Variants in ZC3H4 observed in about 807,000 individuals in gnomAD.
ZC3H4 encodes the protein zinc finger CCCH domain-containing protein 4.
In ZC3H4, 13 loss-of-function variants were observed where a neutral mutation model predicts 108.3. The observed-to-expected ratio is 0.12, with a 90% CI of 0.08 to 0.19. The LOEUF is 0.19. Ranked by LOEUF, ZC3H4 falls within the 10% of genes least tolerant of loss-of-function variation. The pLI is 1.00. For missense variants in ZC3H4, 1,734 were observed against 1,838.8 expected, an observed-to-expected ratio of 0.94 and a Z score of 1.04; for synonymous variants, 917 against 749.6, an observed-to-expected ratio of 1.22 and a Z score of -3.65.
Position 47,094,805 on chromosome 19 carries a change from A to C in ZC3H4, c.162-197T>G, listed in dbSNP as rs373707801. On this transcript the variant is annotated intron_variant, in intron 2 of 14. Coordinates refer to ENST00000253048, the MANE Select transcript of ZC3H4 (RefSeq NM_015168.2). ...GAAAGAACTGTGCTTGCTCCAGTCTAACCTGGCTGGGGGAGGGGTAGGAGT... is the reference window on the plus strand; with the variant it reads ...GAAAGAACTGTGCTTGCTCCAGTCTCACCTGGCTGGGGGAGGGGTAGGAGT... Among the ~76,000 whole-genome samples the C allele has an allele frequency of 3.3e-5, 5 of 152,306 alleles. 1 individual carries two copies. The highest frequency in any genetic ancestry group is 1.2e-4 in the African/African-American group (5 of 41,572).
chr19:47,097,673 T>C (rs2057843992), intron 2 of ZC3H4, among the ~76,000 whole-genome samples: 1 of 152,154 alleles, frequency 6.6e-6, no homozygotes, highest in South Asian at 2.1e-4. Context: ...CTTAACAGAC[T>C]GCCGGCAAAA....
intron 5 of ZC3H4, among the ~76,000 whole-genome samples, 190 bp from the exon 6 acceptor site, chr19:47,086,728 G>C (rs1257335666): frequency 6.6e-6 from 1 of 152,060 alleles, no homozygotes; most frequent in Non-Finnish European, 1.5e-5. Flanking sequence ...TCTCTCAATG[G>C]GGGTCCCTCA....
intron 5 of ZC3H4, among the ~76,000 whole-genome samples, chr19:47,087,632 A>G (rs773154970): frequency 3.5e-4 from 53 of 152,254 alleles, no homozygotes; most frequent in Non-Finnish European, 2.4e-4. Context: ...TAATCCCAGC[A>G]CTTTGGGAGG....
In ZC3H4 at chr19:47,072,987, A is replaced by C. The variant is rs1042822162; in HGVS notation, c.1441-274T>G. Among the ~76,000 whole-genome samples the C allele has an allele frequency of 6.6e-6, 1 of 152,180 alleles. No homozygotes were observed. The highest frequency in any genetic ancestry group is 2.4e-5 in the African/African-American group (1 of 41,444). On this transcript the variant is annotated intron_variant, in intron 11 of 14. Transcript: ENST00000253048. The surrounding 1 kb of genome is among the most constrained non-coding windows in gnomAD (Gnocchi z 5.6). ...ACTGTTTAACCATTTAAAGTGAACG[A>C]TTCAGCTGGGCGCAGGGACTCACAT...
chr19:47,078,206 G>C (rs142760447), intron 11 of ZC3H4, among the ~76,000 whole-genome samples: 2 of 151,920 alleles, frequency 1.3e-5, no homozygotes, highest in Admixed American at 6.6e-5. Context: ...TATGTTTGGC[G>C]ATAAATGAGA....
At chr19:47,112,177 CAG>C (rs1311096617) in intron 2 of ZC3H4, 1 of 1,181,384 alleles carries the variant, frequency 8.5e-7, no homozygotes, top group African/African-American at 1.6e-5. Context: ...CCAAAAAAGA[CAG>C]AGCGAGAGCG....
Position 47,066,458 on chromosome 19 carries a change from T to G in ZC3H4, c.3810A>C (p.Pro1270=). Residue 1270 remains proline, a synonymous_variant, in exon 15 of 15, where the codon CCA becomes CCC. Coordinates refer to ENST00000253048, the MANE Select transcript of ZC3H4 (RefSeq NM_015168.2). ...CGCGGGCCGGACTGTTCCCAGCAAA[T>G]GGGCTTCCTGAGCCCGTCTTGGGTG... The part of the protein sequence containing the change: ...KQTPKTGSGS[P]FAGNSPAREG... 1 of 1,579,656 alleles carries G rather than the reference T, an allele frequency of 6.3e-7. No homozygotes were observed.
At chr19:47,074,541 C>A (rs1285146681) in intron 11 of ZC3H4, among the ~76,000 whole-genome samples, 1 of 152,202 alleles carries the variant, frequency 6.6e-6, no homozygotes. Context: ...AAGGCTAGGC[C>A]TCGGCTGGTG....
chr19:47,099,324 A>G (rs2123044481), intron 2 of ZC3H4, among the ~76,000 whole-genome samples: 2 of 151,990 alleles, frequency 1.3e-5, no homozygotes, highest in South Asian at 2.1e-4. Flanking sequence ...TCGGGCTTGG[A>G]AGAACACGCC....
At chr19:47,074,280 T>C (rs758611670) in intron 11 of ZC3H4, among the ~76,000 whole-genome samples, 3 of 152,212 alleles carry the variant, frequency 2.0e-5, no homozygotes, top group African/African-American at 4.8e-5. Flanking sequence ...ACACTGCCTA[T>C]GCCTTGTCGG....
In ZC3H4 at chr19:47,066,857, G is replaced by A. The variant is rs8100925; in HGVS notation, c.3411C>T (p.Gly1137=). Residue 1137 remains glycine, a synonymous_variant, in exon 15 of 15, where the codon GGC becomes GGT. Transcript: ENST00000253048. ...TACCGCTCAGCACACTGCTCTGCCC[G>A]CCCCCTCCGCCCTGGCCCAGTCCAC... ...AAGGLGQGGG[G]GQSSVLSGIS... 9.4e-5 allele frequency: 151 copies of A among 1,598,330 alleles called. No homozygotes were observed. Among genetic ancestry groups the A allele is most frequent in the East Asian group, 1.3e-4 (6 of 44,800 alleles).
At chr19:47,099,198 G>A (rs539872782) in intron 2 of ZC3H4, among the ~76,000 whole-genome samples, 32 of 152,060 alleles carry the variant, frequency 2.1e-4, no homozygotes, top group African/African-American at 6.8e-4. Flanking sequence ...GGTGGCTCAC[G>A]TCTGTAATCC....
At chr19:47,094,331 G>A (rs971810601) in intron 3 of ZC3H4, 58 bp downstream of exon 3, 20 of 1,591,952 alleles carry the variant, frequency 1.3e-5, no homozygotes, top group Non-Finnish European at 1.6e-5. Context: ...TCAGCCCCTG[G>A]GGCTCTCAGC....
chr19:47,079,835 C>T (rs1298431664), intron 11 of ZC3H4, among the ~76,000 whole-genome samples: 4 of 152,052 alleles, frequency 2.6e-5, no homozygotes, highest in African/African-American at 9.7e-5. Flanking sequence ...TGCAGGGAGC[C>T]GAGATTGTGC....
Position 47,067,785 on chromosome 19 carries a change from G to T in ZC3H4, c.2483C>A (p.Thr828Lys), listed in dbSNP as rs896149481. Residue 828 changes from threonine to lysine, a missense_variant, in exon 15 of 15, where the codon ACG (threonine) becomes AAG (lysine). Physicochemically the swap from Thr to Lys is moderately conservative, Grantham distance 78. This residue lies in a region of ZC3H4 where 540 missense variants were observed against 484.1 expected (regional missense o/e 1.12). Transcript: ENST00000253048. The surrounding 1 kb of genome is among the most constrained non-coding windows in gnomAD (Gnocchi z 6.4). Reference protein sequence around the residue: ...TSILKTLRQQTSSRPPASVGE... With the variant: ...TSILKTLRQQKSSRPPASVGE... ...AACTGAAGCCGGGGGTCGGCTGGACGTCTGCTGCCTCAAGGTCTTCAGGAT... is the reference window on the plus strand; with the variant it reads ...AACTGAAGCCGGGGGTCGGCTGGACTTCTGCTGCCTCAAGGTCTTCAGGAT... The T allele has an allele frequency of 1.2e-6, 2 of 1,609,268 alleles. No individual in the cohort carries two copies. Among genetic ancestry groups the T allele is most frequent in the African/African-American group, 2.7e-5 (2 of 74,844 alleles).
chr19:47,101,412 G>T (rs867055717), intron 2 of ZC3H4, among the ~76,000 whole-genome samples: 16 of 151,918 alleles, frequency 1.1e-4, no homozygotes, highest in African/African-American at 3.6e-4. Flanking sequence ...TAAAGACAGG[G>T]TCTCTCTATG....
intron 11 of ZC3H4, among the ~76,000 whole-genome samples, chr19:47,080,780 G>A (rs2057507583): frequency 6.6e-6 from 1 of 151,812 alleles, no homozygotes; most frequent in Admixed American, 6.6e-5. Flanking sequence ...CTACACGCAT[G>A]TGCCACCACA....
At chr19:47,094,819 A>C (rs1438201755) in intron 2 of ZC3H4, among the ~76,000 whole-genome samples, 1 of 152,014 alleles carries the variant, frequency 6.6e-6, no homozygotes, top group Admixed American at 6.6e-5. Context: ...TGGCTGGGGG[A>C]GGGGTAGGAG....
chr19:47,075,570 C>A (rs1409489326), intron 11 of ZC3H4, among the ~76,000 whole-genome samples: 1 of 151,996 alleles, frequency 6.6e-6, no homozygotes, highest in Non-Finnish European at 1.5e-5. Context: ...CCTGGGCTCC[C>A]ACACTTATTC....
Sources: allele counts gnomAD v4.1 joint callset (sites outside exome capture counted in the v4.1 genomes callset), GRCh38; gene constraint gnomAD v4.1.1; regional missense constraint gnomAD v4.1.1; non-coding constraint Gnocchi (gnomAD v3.1); transcripts MANE v1.5; gene names NCBI Gene and HGNC (gene_info 2026-07-23, HGNC 2026-07-21).